Variants in EPM2A observed in about 807,000 individuals in gnomAD.
EPM2A encodes laforin.
EPM2A carries 21 observed loss-of-function variants against 26.5 expected under a neutral mutation model. The ratio of observed to expected loss-of-function variants is 0.79; its 90% CI spans 0.56 to 1.14. The LOEUF (loss-of-function observed/expected upper bound fraction) is 1.14. EPM2A is among the 50% of genes most tolerant of loss of function. The pLI is 0.00. For missense variants in EPM2A, 458 were observed against 440.8 expected, an observed-to-expected ratio of 1.04 and a Z score of -0.35; for synonymous variants, 217 against 177.6, an observed-to-expected ratio of 1.22 and a Z score of -1.76.
rs144209292 is a variant in EPM2A, at chr6:145,617,645, T to C, written c.340+17600A>G. Among the ~76,000 whole-genome samples, 244 of 152,362 alleles carry C rather than the reference T, an allele frequency of 1.6e-3. 2 individuals carry two copies. The highest frequency in any genetic ancestry group is 0.013 in the South Asian group (62 of 4,830). The stretch of plus-strand genomic sequence containing the variant: ...TTCACATTTCTCTTAGATTGAAATA[T>C]ACATTAGATCTGGCCTGGTGCTGTG... On this transcript the variant is annotated intron_variant, in intron 2 of 3. Transcript: ENST00000450221.
chr6:145,514,068 C>A (rs1404378088), intron 2 of EPM2A, among the ~76,000 whole-genome samples: 1 of 152,102 alleles, frequency 6.6e-6, no homozygotes, highest in Admixed American at 6.6e-5. Context: ...CATGCCTCAG[C>A]CAAAAAGTGT....
intron 4 of EPM2A, among the ~76,000 whole-genome samples, chr6:145,453,733 G>A (rs1448665665): frequency 6.6e-6 from 1 of 152,070 alleles, no homozygotes; most frequent in Non-Finnish European, 1.5e-5. Context: ...TTAGCATATG[G>A]CTTCATAATT....
intron 2 of EPM2A, among the ~76,000 whole-genome samples, chr6:145,642,762 T>C (rs1381733365): frequency 1.3e-5 from 2 of 152,142 alleles, no homozygotes; most frequent in African/African-American, 4.8e-5. Context: ...AGGTATACTT[T>C]AGGAACTGTG....
chr6:145,711,768 C>T (rs994286556), intron 1 of EPM2A, among the ~76,000 whole-genome samples: 2 of 151,932 alleles, frequency 1.3e-5, no homozygotes, highest in African/African-American at 4.8e-5. Context: ...ACTAATAGAG[C>T]CTAATAATTT....
rs544092993 is a variant in EPM2A, at chr6:145,399,952, A to G, written c.556-15855T>C. Among the ~76,000 whole-genome samples the G allele has an allele frequency of 1.6e-4, 24 of 152,140 alleles. 1 individual carries two copies. The highest frequency in any genetic ancestry group is 5.9e-5 in the Non-Finnish European group (4 of 68,014). On this transcript the variant is annotated intron_variant, in intron 4 of 4. Transcript: ENST00000638717. ...TTTTTTTCTGATAATCAAAATGTTTATGTTCTGTATAACTATTACAAATTT... is the reference window on the plus strand; with the variant it reads ...TTTTTTTCTGATAATCAAAATGTTTGTGTTCTGTATAACTATTACAAATTT...
intron 4 of EPM2A, among the ~76,000 whole-genome samples, chr6:145,408,691 T>C (rs1392205313): frequency 6.6e-6 from 1 of 152,160 alleles, no homozygotes; most frequent in Non-Finnish European, 1.5e-5. Context: ...GGTACTGTCT[T>C]AGTCAGTTCA....
At position 145,626,325 on chromosome 6, in the gene EPM2A, G is replaced by A; in HGVS notation, c.*1091C>T. 1.0e-6 allele frequency: 1 copy of A among 986,034 alleles called. No homozygotes were observed. Among genetic ancestry groups the A allele is most frequent in the Non-Finnish European group, 1.2e-6 (1 of 830,112 alleles). The allele number at this position is 986,034 out of a possible 1,614,324, so 61.1% of individuals were successfully genotyped here. On this transcript the variant is annotated 3_prime_UTR_variant, in exon 4 of 4. Transcript: ENST00000367519. ...TGCATATTATACTAAATTGAGAGCT[G>A]AGCCAGGATGGCCAAGGCTGTGAAG...
intron 4 of EPM2A, among the ~76,000 whole-genome samples, chr6:145,421,441 G>T (rs1778779612): frequency 6.6e-6 from 1 of 151,980 alleles, no homozygotes; most frequent in African/African-American, 2.4e-5. Context: ...GGAACATTAT[G>T]TTTATGTATT....
intron 2 of EPM2A, among the ~76,000 whole-genome samples, chr6:145,610,162 C>T (rs1356718875): frequency 6.7e-6 from 1 of 149,904 alleles, no homozygotes; most frequent in Admixed American, 6.7e-5. Context: ...TGCAGTGAGC[C>T]AAGATCGTGC....
intron 2 of EPM2A, among the ~76,000 whole-genome samples, chr6:145,502,968 A>G (rs1245244681): frequency 6.6e-6 from 1 of 152,250 alleles, no homozygotes; most frequent in Middle Eastern, 3.2e-3. Flanking sequence ...ACAGATTCCA[A>G]ATGAAAGGAC....
At chr6:145,511,743 T>C (rs1389147857) in intron 2 of EPM2A, among the ~76,000 whole-genome samples, 1 of 152,148 alleles carries the variant, frequency 6.6e-6, no homozygotes, top group African/African-American at 2.4e-5. Flanking sequence ...TTCAATATAG[T>C]AGTGGAAGCC....
At chr6:145,677,710 C>T (rs1780170463) in intron 2 of EPM2A, among the ~76,000 whole-genome samples, 1 of 152,104 alleles carries the variant, frequency 6.6e-6, no homozygotes, top group African/African-American at 2.4e-5. Context: ...ACCTAGGAAT[C>T]CAACTTACAA....
chr6:145,647,889 T>C (rs1204960941), intron 2 of EPM2A, among the ~76,000 whole-genome samples: 2 of 152,244 alleles, frequency 1.3e-5, no homozygotes, highest in East Asian at 1.9e-4. Flanking sequence ...TGTGTTAAAT[T>C]ATTTGTTGAA....
At chr6:145,573,486 T>C (rs770985539) in intron 2 of EPM2A, among the ~76,000 whole-genome samples, 2 of 152,202 alleles carry the variant, frequency 1.3e-5, no homozygotes, top group Non-Finnish European at 2.9e-5. Context: ...ACTGTCGTTC[T>C]TCAAGATCCA....
intron 4 of EPM2A, among the ~76,000 whole-genome samples, chr6:145,394,599 A>G (rs1562318610): frequency 6.6e-6 from 1 of 152,106 alleles, no homozygotes; most frequent in Non-Finnish European, 1.5e-5. Flanking sequence ...CTGGAAACCA[A>G]ACTGAAAGTG....
At chr6:145,610,696 C>G (rs907416596) in intron 2 of EPM2A, among the ~76,000 whole-genome samples, 1 of 152,188 alleles carries the variant, frequency 6.6e-6, no homozygotes, top group Non-Finnish European at 1.5e-5. Context: ...CTGAAGAAAT[C>G]AGAAATCCTT....
intron 4 of EPM2A, among the ~76,000 whole-genome samples, chr6:145,442,343 T>G (rs1238412399): frequency 3.9e-5 from 6 of 152,156 alleles, no homozygotes; most frequent in African/African-American, 1.4e-4. Flanking sequence ...ACACCACTGA[T>G]AAAGACATAC....
At chr6:145,520,394 G>A (rs139241638) in intron 2 of EPM2A, among the ~76,000 whole-genome samples, 69 of 152,138 alleles carry the variant, frequency 4.5e-4, no homozygotes, top group African/African-American at 1.5e-3. Context: ...ATCACTGTGG[G>A]ACCTCTTAGA....
At chr6:145,580,585 A>G (rs1251465554) in intron 2 of EPM2A, among the ~76,000 whole-genome samples, 1 of 152,140 alleles carries the variant, frequency 6.6e-6, no homozygotes, top group East Asian at 1.9e-4. Flanking sequence ...TTTCAAATCA[A>G]GAGGGTTTGG....
Sources: gnomAD v4.1 joint callset for allele counts (sites outside exome capture counted in the v4.1 genomes callset) on GRCh38, gnomAD v4.1.1 for gene constraint, MANE v1.5 for transcripts, NCBI Gene and HGNC (gene_info 2026-07-23, HGNC 2026-07-21) for gene names.